The following PDE1A variants were observed in gnomAD, a reference collection of about 807,000 sequenced individuals.
PDE1A encodes phosphodiesterase 1A, also known as dual specificity calcium/calmodulin-dependent 3',5'-cyclic nucleotide phosphodiesterase 1A.
Under a neutral mutation model 61.7 loss-of-function variants are expected in PDE1A, and 35 were observed. That is an observed-to-expected ratio of 0.57 (90% CI 0.43 to 0.75). The LOEUF (loss-of-function observed/expected upper bound fraction) is 0.75, where lower values mean the gene tolerates loss of function less well. Among genes scored for constraint, PDE1A ranks in the 30% least tolerant of loss-of-function variants. PDE1A has a pLI of 0.00. For missense variants in PDE1A, 597 were observed against 630.6 expected, an observed-to-expected ratio of 0.95 and a Z score of 0.57; for synonymous variants, 232 against 213.2, an observed-to-expected ratio of 1.09 and a Z score of -0.77.
chr2:182,399,553 C>G (rs1451160941), intron 1 of PDE1A, among the ~76,000 whole-genome samples: 1 of 152,064 alleles, frequency 6.6e-6, no homozygotes, highest in African/African-American at 2.4e-5. Context: ...TATCATCCCT[C>G]TAAGCTTATC....
downstream of PDE1A, among the ~76,000 whole-genome samples, chr2:182,146,153 G>T (rs902545924): frequency 3.3e-5 from 5 of 152,092 alleles, no homozygotes; most frequent in African/African-American, 1.2e-4. Context: ...CAAGACAGTG[G>T]TTCTCAATTT....
In PDE1A at chr2:182,241,238, T is replaced by G. The variant is rs189843470; in HGVS notation, c.168-946A>C. On this transcript the variant is annotated intron_variant, in intron 2 of 13. Coordinates refer to ENST00000351439, the Ensembl canonical transcript of PDE1A. ...AATACAGAAACAGCTTACAGAACAG[T>G]TGAACTTTGCCTCTAGGAAGAACAC... is the stretch of plus-strand genomic sequence containing the variant. Among the ~76,000 whole-genome samples, 5 of 152,330 alleles carry G rather than the reference T, an allele frequency of 3.3e-5. No individual in the cohort carries two copies. In the East Asian group the frequency reaches 9.6e-4, roughly 29 times the overall value.
intron 1 of PDE1A, among the ~76,000 whole-genome samples, chr2:182,328,067 G>A (rs1361960921): frequency 1.3e-5 from 2 of 152,180 alleles, no homozygotes; most frequent in Non-Finnish European, 2.9e-5. Context: ...TGCGGGAAAT[G>A]TCTCAAGTTC....
chr2:182,176,321 G>A (rs1478126125), intron 13 of PDE1A, among the ~76,000 whole-genome samples: 2 of 149,400 alleles, frequency 1.3e-5, no homozygotes, highest in Admixed American at 6.6e-5. Flanking sequence ...CCATGAGCAT[G>A]GAATGTTCTT....
chr2:182,480,276 AAC>A (rs1308719328), intron 2 of PDE1A, among the ~76,000 whole-genome samples: 7 of 151,958 alleles, frequency 4.6e-5, no homozygotes, highest in Non-Finnish European at 7.4e-5. Context: ...TAACTCCTAA[AAC>A]ACAACGGTAT....
rs185017255 is a variant in PDE1A at position 182,513,490 on chromosome 2, A to G, written c.101+8786T>C. Among the ~76,000 whole-genome samples the G allele has an allele frequency of 8.3e-4, 127 of 152,352 alleles. 2 individuals are homozygous for G. Among genetic ancestry groups the G allele is most frequent in the African/African-American group, 2.9e-3 (122 of 41,592 alleles). On this transcript the variant is annotated intron_variant, in intron 2 of 14. Coordinates refer to the PDE1A transcript ENST00000410103. ...CAAAAAACTGTTACCAGCCACCACA[A>G]AAGTACACTTAAGTACATAGACCAT...
chr2:182,145,724 G>T (rs1343929780), downstream of PDE1A, among the ~76,000 whole-genome samples: 1 of 151,900 alleles, frequency 6.6e-6, no homozygotes, highest in East Asian at 1.9e-4. Context: ...GCGAGACTCG[G>T]TCTCCAAAAA....
At chr2:182,172,362 G>T (rs3769811) in intron 13 of PDE1A, among the ~76,000 whole-genome samples, 30,048 of 151,882 alleles carry the variant, frequency 0.2, 3,157 homozygotes, top group East Asian at 0.31. Flanking sequence ...CTGGTACACA[G>T]GGGGTCTCTG....
chr2:182,453,436 A>G (rs958689319), intron 2 of PDE1A, among the ~76,000 whole-genome samples: 1 of 149,392 alleles, frequency 6.7e-6, no homozygotes, highest in Non-Finnish European at 1.5e-5. Flanking sequence ...TTCTTCATTA[A>G]AAAAAAAAAT....
At chr2:182,533,025 AAAG>A in the PDE1A span, among the ~76,000 whole-genome samples, 1 of 149,920 alleles carries the variant, frequency 6.7e-6, no homozygotes, top group Non-Finnish European at 1.5e-5. Context: ...GTTAAAAAGC[AAAG>A]AAGAGGCCAG....
At chr2:182,486,070 A>G (rs1370350800) in intron 2 of PDE1A, among the ~76,000 whole-genome samples, 1 of 151,610 alleles carries the variant, frequency 6.6e-6, no homozygotes, top group Non-Finnish European at 1.5e-5. Flanking sequence ...AATCTATAAA[A>G]GGAAGACAGA....
intron 10 of PDE1A, among the ~76,000 whole-genome samples, chr2:182,194,058 A>C (rs1685934562): frequency 6.6e-6 from 1 of 152,166 alleles, no homozygotes; most frequent in Admixed American, 6.5e-5. Flanking sequence ...TAAAGTAAAC[A>C]TTTTGACCTT....
At chr2:182,407,113 G>T (rs1188985049) in intron 1 of PDE1A, among the ~76,000 whole-genome samples, 1 of 152,052 alleles carries the variant, frequency 6.6e-6, no homozygotes, top group Non-Finnish European at 1.5e-5. Context: ...AAAGTGGATA[G>T]GAAACGTCTT....
chr2:182,633,793 G>T, the PDE1A span, among the ~76,000 whole-genome samples: 1 of 152,020 alleles, frequency 6.6e-6, no homozygotes. Context: ...GTGATTAAAA[G>T]GATAACCAGG....
upstream of PDE1A, chr2:182,427,099 A>C: frequency 2.4e-6 from 2 of 834,248 alleles, no homozygotes; most frequent in Non-Finnish European, 2.9e-6. Flanking sequence ...TCTTCAAAAT[A>C]AAAGTTGTAC....
At chr2:182,396,862 G>T (rs956226863) in intron 1 of PDE1A, among the ~76,000 whole-genome samples, 2 of 152,146 alleles carry the variant, frequency 1.3e-5, no homozygotes, top group Non-Finnish European at 2.9e-5. Flanking sequence ...AATACTGAGT[G>T]TATTCATTCA....
At chr2:182,257,839 G>C (rs1207378692) in intron 2 of PDE1A, among the ~76,000 whole-genome samples, 1 of 152,164 alleles carries the variant, frequency 6.6e-6, no homozygotes, top group Non-Finnish European at 1.5e-5. Context: ...CTTGATAAGG[G>C]ACCTCTATGA....
rs1014335146 is a variant in PDE1A at position 182,402,001 on chromosome 2, C to T, written c.53+24577G>A. On this transcript the variant is annotated intron_variant, in intron 1 of 13. Transcript: ENST00000351439. ...AGGACCTCTCAAGGAGAGCTACAAA[C>T]CACCGTTCAAAAAAATATGAGAAGA... 1.8e-4 allele frequency among the ~76,000 whole-genome samples: 27 copies of T among 152,050 alleles called. 1 individual carries two copies. The highest frequency in any genetic ancestry group is 1.6e-3 in the Admixed American group (24 of 15,258).
At chr2:182,653,771 T>A in the PDE1A span, among the ~76,000 whole-genome samples, 9 of 152,176 alleles carry the variant, frequency 5.9e-5, no homozygotes, top group Admixed American at 3.9e-4. Flanking sequence ...AGCCCACTCA[T>A]CCTGGCTGAT....
Sources: allele counts gnomAD v4.1 joint callset (sites outside exome capture counted in the v4.1 genomes callset), GRCh38; gene constraint gnomAD v4.1.1; transcripts MANE v1.5; gene names NCBI Gene and HGNC (gene_info 2026-07-23, HGNC 2026-07-21).